Variants in COQ5 observed in about 807,000 individuals in gnomAD.
The protein encoded by COQ5 is coenzyme Q5, methyltransferase.
Under a neutral mutation model 40.5 loss-of-function variants are expected in COQ5, and 27 were observed. That is an observed-to-expected ratio of 0.67 (90% CI 0.49 to 0.92). The LOEUF (loss-of-function observed/expected upper bound fraction) is 0.92. Ranked by LOEUF, COQ5 falls within the 40% of genes least tolerant of loss-of-function variation. The pLI is 0.00. For missense variants in COQ5, 409 were observed against 406.4 expected (o/e 1.01, Z -0.06); for synonymous variants, 141 against 150.0 (o/e 0.94, Z 0.44).
intron 4 of COQ5, among the ~76,000 whole-genome samples, chr12:120,509,451 A>C (rs1869028715): frequency 6.6e-6 from 1 of 152,204 alleles, no homozygotes; most frequent in South Asian, 2.1e-4. Context: ...ATCTTTTGTC[A>C]AAACAGTGTT....
chr12:120,522,064 A>G (rs1869687402), intron 2 of COQ5, 150 bp downstream of exon 2: 5 of 729,644 alleles, frequency 6.9e-6, no homozygotes, highest in Admixed American at 2.8e-5. Context: ...AGTCAAAAAG[A>G]TAAGTGCGTG....
intron 1 of COQ5, among the ~76,000 whole-genome samples, chr12:120,524,265 A>ATT (rs941136816): frequency 6.9e-6 from 1 of 145,028 alleles, no homozygotes; most frequent in Non-Finnish European, 1.5e-5. Flanking sequence ...TTAAAGTTAC[A>ATT]TTTTTTTTTT....
chr12:120,512,960 AT>A (rs536277762), intron 3 of COQ5, among the ~76,000 whole-genome samples: 100 of 143,008 alleles, frequency 7.0e-4, no homozygotes, highest in Non-Finnish European at 6.9e-4. Context: ...CACCTGCCTG[AT>A]TTTTTTTTTT....
chr12:120,521,522 A>C (rs1435971229), intron 2 of COQ5, among the ~76,000 whole-genome samples: 3 of 151,836 alleles, frequency 2.0e-5, no homozygotes, highest in Non-Finnish European at 2.9e-5. Flanking sequence ...CTAACAATAC[A>C]AAAATTAGCC....
intron 4 of COQ5, among the ~76,000 whole-genome samples, chr12:120,509,150 C>T (rs1170408758): frequency 1.3e-5 from 2 of 151,990 alleles, no homozygotes; most frequent in Non-Finnish European, 2.9e-5. Flanking sequence ...ACCCAGGCAA[C>T]CAGAGACCAT....
chr12:120,506,492 A>G (rs1172538119), intron 4 of COQ5, among the ~76,000 whole-genome samples: 1 of 151,504 alleles, frequency 6.6e-6, no homozygotes, highest in African/African-American at 2.4e-5. Context: ...TCAGCCTCCC[A>G]TGTTGCTGGG....
intron 2 of COQ5, among the ~76,000 whole-genome samples, chr12:120,519,534 G>A (rs1259085476): frequency 2.0e-5 from 3 of 150,752 alleles, no homozygotes; most frequent in African/African-American, 4.9e-5. Context: ...CACTCCAGCC[G>A]GGGCAACAGA....
chr12:120,509,794 C>T, intron 4 of COQ5: 1 of 545,082 alleles, frequency 1.8e-6, no homozygotes, highest in Non-Finnish European at 3.3e-6. Flanking sequence ...TCTCTCTCTC[C>T]CTGGGTGTGG....
chr12:120,523,971 C>T, intron 1 of COQ5: 1 of 395,124 alleles, frequency 2.5e-6, no homozygotes, highest in South Asian at 1.8e-5. Context: ...AATTGGACCA[C>T]TGCATTCCAG....
At chr12:120,523,930 A>G in intron 1 of COQ5, 1 of 424,098 alleles carries the variant, frequency 2.4e-6, no homozygotes, top group South Asian at 1.7e-5. Context: ...GAATCACTGG[A>G]ACCTGGAAGG....
At chr12:120,514,815 C>T (rs769923743) in intron 3 of COQ5, among the ~76,000 whole-genome samples, 10 of 152,024 alleles carry the variant, frequency 6.6e-5, no homozygotes, top group African/African-American at 2.2e-4. Flanking sequence ...GTTGCCAGGA[C>T]GGAGTTTCTC....
intron 3 of COQ5, among the ~76,000 whole-genome samples, chr12:120,513,161 A>G (rs979737634): frequency 6.6e-5 from 10 of 151,062 alleles, no homozygotes; most frequent in African/African-American, 2.4e-4. Context: ...GGAAAGTGCT[A>G]CATAAAAAAT....
chr12:120,504,494 C>T lies in COQ5; in HGVS notation c.770+401G>A, dbSNP rs1440229150. ...AACTCCTGGCCTCAAGTGATCCTCC[C>T]GCCTCAGCCTCCCAAAGTGCTGGGA... On this transcript the variant is annotated intron_variant, in intron 5 of 6. Coordinates refer to ENST00000288532, the MANE Select transcript of COQ5 (RefSeq NM_032314.4). 16 of 283,702 alleles carry T rather than the reference C, an allele frequency of 5.6e-5. No individual in the cohort carries two copies. In the East Asian group the frequency reaches 8.0e-4, roughly 14 times the overall value. 17.6% of individuals were successfully genotyped at this position (283,702 alleles called of 1,614,324 possible).
intron 1 of COQ5, chr12:120,523,496 G>T: frequency 7.3e-6 from 2 of 274,202 alleles, no homozygotes; most frequent in East Asian, 1.1e-4. Context: ...CCTAAGTCGT[G>T]GATGGCATCA....
intron 2 of COQ5, among the ~76,000 whole-genome samples, chr12:120,518,522 T>G (rs1394228770): frequency 6.6e-6 from 1 of 151,612 alleles, no homozygotes; most frequent in Non-Finnish European, 1.5e-5. Flanking sequence ...GTCCAACCAA[T>G]TAGGTATTCT....
rs1411858155 is a variant in COQ5, at chr12:120,504,930, C to T, written c.735G>A (p.Leu245=). 2 of 1,614,006 alleles carry T rather than the reference C, an allele frequency of 1.2e-6. No homozygotes were observed. Among genetic ancestry groups the T allele is most frequent in the Non-Finnish European group, 1.7e-6 (2 of 1,180,032 alleles). The change falls in exon 5 of 7, where the codon CTG becomes CTA. Residue 245 remains leucine (L), a synonymous_variant. Coordinates refer to ENST00000288532, the MANE Select transcript of COQ5 (RefSeq NM_032314.4). ...GGGGATTGTTCACTTGGCTAAATTC[C>T]AGACAGAGAAACCGTCCTCCTGGTT... ...VLKPGGRFLC[L]EFSQVNNPLI... is the part of the protein sequence containing the mutation.
At chr12:120,527,437 GA>G (rs1234358355) in intron 1 of COQ5, 1 of 152,044 alleles carries the variant, frequency 6.6e-6, no homozygotes, top group African/African-American at 2.4e-5. Flanking sequence ...ATTTATAACT[GA>G]CAGGGTTTTT....
Position 120,529,091 on chromosome 12 carries a change from C to T in COQ5, c.51G>A (p.Trp17Ter), listed in dbSNP as rs764818558. 3 of 1,614,126 alleles carry T rather than the reference C, an allele frequency of 1.9e-6. No individual in the cohort carries two copies. Among genetic ancestry groups the T allele is most frequent in the Non-Finnish European group, 2.5e-6 (3 of 1,180,016 alleles). ...CALWSYCGRGWSRAMRGCQLL... is the reference protein window; with the variant it reads ...CALWSYCGRG Reference sequence around the variant, plus strand: ...GCTGGCAGCCCCGCATCGCCCGCGACCACCCACGGCCGCAATAGCTCCATA... The same window carrying T: ...GCTGGCAGCCCCGCATCGCCCGCGATCACCCACGGCCGCAATAGCTCCATA... The change falls in exon 1 of 7, where the codon TGG becomes TGA. Residue 17 changes from tryptophan to a stop codon, truncating the protein, a stop_gained. Transcript: ENST00000288532. LOFTEE classifies it high-confidence loss of function.
rs55804213 is a variant in COQ5, at chr12:120,509,023, CAA to C, written c.681+992_681+993del. Among the ~76,000 whole-genome samples the C allele has an allele frequency of 3.4e-3, 404 of 119,998 alleles. 3 individuals are homozygous for C. Among genetic ancestry groups the C allele is most frequent in the East Asian group, 8.5e-3 (37 of 4,342 alleles). The allele number at this position is 119,998 out of a possible 152,430, so 78.7% of individuals were successfully genotyped here. ...CTGGCAACAGAGCGAGACTCTGTCT[CAA>C]AAAAAAAAAAAAAAAGTTTTCATTC... On this transcript the variant is annotated intron_variant, in intron 4 of 6. Transcript: ENST00000288532.
Sources: gnomAD v4.1 joint callset for allele counts (sites outside exome capture counted in the v4.1 genomes callset) on GRCh38, gnomAD v4.1.1 for gene constraint, MANE v1.5 for transcripts, NCBI Gene and HGNC (gene_info 2026-07-23, HGNC 2026-07-21) for gene names.